The following CDCP1 variants were observed in gnomAD, a reference collection of about 807,000 sequenced individuals.
CDCP1 encodes CUB domain-containing protein 1.
A neutral mutation model predicts 60.2 loss-of-function variants in CDCP1; 29 were observed. The ratio of observed to expected loss-of-function variants is 0.48; its 90% CI spans 0.36 to 0.66. CDCP1 has a LOEUF of 0.66. Among genes scored for constraint, CDCP1 ranks in the 30% least tolerant of loss-of-function variants. CDCP1 has a pLI of 0.00. For synonymous variants in CDCP1, 387 were observed against 431.1 expected, an observed-to-expected ratio of 0.90 and a Z score of 1.27; for missense variants, 876 against 1,074.3, an observed-to-expected ratio of 0.82 and a Z score of 2.58.
chr3:45,122,545 T>C (rs1288217864), intron 1 of CDCP1, among the ~76,000 whole-genome samples: 1 of 151,844 alleles, frequency 6.6e-6, no homozygotes, highest in African/African-American at 2.4e-5. Flanking sequence ...ACCTCTGCCT[T>C]TGGGACTCAA....
chr3:45,087,153 G>A (rs1171299356), intron 8 of CDCP1, among the ~76,000 whole-genome samples: 1 of 152,188 alleles, frequency 6.6e-6, no homozygotes, highest in African/African-American at 2.4e-5. Flanking sequence ...AGAAGAGATT[G>A]TCTCACTCAT....
chr3:45,093,771 G>C (rs1472849590), intron 5 of CDCP1, 114 bp from the exon 6 acceptor site: 1 of 1,247,624 alleles, frequency 8.0e-7, no homozygotes, highest in Non-Finnish European at 1.1e-6. Flanking sequence ...GTTTCCCTTC[G>C]GTCTCTCTTC....
intron 4 of CDCP1, among the ~76,000 whole-genome samples, chr3:45,108,124 AAAAAAAAAAG>A (rs1576093528): frequency 7.1e-6 from 1 of 140,166 alleles, no homozygotes; most frequent in African/African-American, 2.6e-5. Context: ...GACTCTGCCT[AAAAAAAAAAG>A]AAAAAAAAAG....
chr3:45,107,468 A>G (rs993887390), intron 4 of CDCP1, among the ~76,000 whole-genome samples: 32 of 151,950 alleles, frequency 2.1e-4, no homozygotes, highest in African/African-American at 7.3e-4. Context: ...GGCCTCTGAA[A>G]GTGCTGGGAT....
intron 4 of CDCP1, among the ~76,000 whole-genome samples, chr3:45,105,424 G>A (rs1426781623): frequency 6.6e-6 from 1 of 152,156 alleles, no homozygotes; most frequent in Non-Finnish European, 1.5e-5. Context: ...AGCCAAAAAA[G>A]GAGCAATGTA....
chr3:45,109,224 C>T (rs1322895556), intron 4 of CDCP1, among the ~76,000 whole-genome samples: 4 of 151,944 alleles, frequency 2.6e-5, no homozygotes, highest in Admixed American at 1.3e-4. Flanking sequence ...GCTGGGATTA[C>T]AGGCATGAGC....
In CDCP1 at chr3:45,122,612, C is replaced by T. The variant is rs573798495; in HGVS notation, c.83-3991G>A. Among the ~76,000 whole-genome samples the T allele has an allele frequency of 6.0e-5, 9 of 150,010 alleles. No individual in the cohort carries two copies. In the South Asian group the frequency reaches 1.1e-3, roughly 18 times the overall value. Reference sequence around the variant, plus strand: ...TGGGACTACAGGTGTGCCACCACGCCTGGCTAATTTTTGTATTTTGTAGTA... The same window carrying T: ...TGGGACTACAGGTGTGCCACCACGCTTGGCTAATTTTTGTATTTTGTAGTA... On this transcript the variant is annotated intron_variant, in intron 1 of 8. Transcript: ENST00000296129.
intron 1 of CDCP1, among the ~76,000 whole-genome samples, chr3:45,126,108 C>CTCTTTCTTTCTTTCTTTCTTTCTT (rs72581928): frequency 2.3e-4 from 25 of 110,080 alleles, no homozygotes; most frequent in South Asian, 3.3e-4. Flanking sequence ...TTGTCTCTCT[C>CTCTTTCTTTCTTTCTTTCTTTCTT]TCTTTCTTTC....
At chr3:45,089,743 G>T (rs1219777113) in intron 7 of CDCP1, among the ~76,000 whole-genome samples, 2 of 152,204 alleles carry the variant, frequency 1.3e-5, no homozygotes, top group Admixed American at 1.3e-4. Context: ...GAAACAAACT[G>T]AGGGACCTAC....
At position 45,123,299 on chromosome 3, in the gene CDCP1, C is replaced by A. The variant is rs1012777943; in HGVS notation, c.83-4678G>T. 3.3e-5 allele frequency among the ~76,000 whole-genome samples: 5 copies of A among 152,286 alleles called. 1 individual carries two copies. The East Asian group carries it at 9.6e-4, about 29-fold the overall frequency. On this transcript the variant is annotated intron_variant, in intron 1 of 8. Transcript: ENST00000296129. ...TGATCAACCCAGCACGTTCTACTGT[C>A]CAGCTGTAGTTTGTAACTATTCTTT...
intron 1 of CDCP1, among the ~76,000 whole-genome samples, chr3:45,136,903 C>A (rs1014520041): frequency 2.6e-5 from 4 of 152,168 alleles, no homozygotes; most frequent in African/African-American, 9.7e-5. Flanking sequence ...ACAAAGGAAT[C>A]TGGAGGAACT....
At position 45,086,121 on chromosome 3, in the gene CDCP1, G is replaced by T. The variant is rs1246415532; in HGVS notation, c.2082-54C>A. Reference sequence around the variant, plus strand: ...GTCAGAAAGGCAAGAATCTTCGATGGGTACCATTGCTATGGCCCTGCTAGA... The same window carrying T: ...GTCAGAAAGGCAAGAATCTTCGATGTGTACCATTGCTATGGCCCTGCTAGA... On this transcript the variant is annotated intron_variant, in intron 8 of 8. Transcript: ENST00000296129. 10 of 1,488,882 alleles carry T rather than the reference G, an allele frequency of 6.7e-6. No homozygotes were observed. In the East Asian group the frequency reaches 2.3e-4, roughly 34 times the overall value. The allele number at this position is 1,488,882 out of a possible 1,614,324, so 92.2% of individuals were successfully genotyped here.
chr3:45,085,162 C>T lies in CDCP1; in HGVS notation c.*476G>A, dbSNP rs928957020. 1 of 155,136 alleles carries T rather than the reference C, an allele frequency of 6.4e-6. No individual in the cohort carries two copies. Among genetic ancestry groups the T allele is most frequent in the Non-Finnish European group, 1.4e-5 (1 of 69,976 alleles). 9.6% of individuals were successfully genotyped at this position (155,136 alleles called of 1,614,324 possible). Reference sequence around the variant, plus strand: ...AGGTGAAAAGAGCTAGGTGGTTATACATTTGATCTCTTAAATAACACAGGA... The same window carrying T: ...AGGTGAAAAGAGCTAGGTGGTTATATATTTGATCTCTTAAATAACACAGGA... On this transcript the variant is annotated 3_prime_UTR_variant, in exon 9 of 9. Transcript: ENST00000296129. The surrounding 1 kb of genome is among the most constrained non-coding windows in gnomAD (Gnocchi z 4.2).
At chr3:45,098,889 C>G (rs1698445609) in intron 4 of CDCP1, among the ~76,000 whole-genome samples, 1 of 152,068 alleles carries the variant, frequency 6.6e-6, no homozygotes, top group Admixed American at 6.6e-5. Flanking sequence ...TAATTTGATA[C>G]CCAAACTCTC....
intron 1 of CDCP1, among the ~76,000 whole-genome samples, chr3:45,140,914 G>T (rs952509920): frequency 2.0e-5 from 3 of 152,174 alleles, no homozygotes; most frequent in Non-Finnish European, 4.4e-5. Flanking sequence ...AGAATGTCAG[G>T]ATCTGGCTGG....
At chr3:45,099,704 G>C (rs1698458914) in intron 4 of CDCP1, among the ~76,000 whole-genome samples, 1 of 151,714 alleles carries the variant, frequency 6.6e-6, no homozygotes, top group East Asian at 1.9e-4. Context: ...TCCACTTTCT[G>C]GGAGATATCC....
At chr3:45,110,402 C>A in intron 4 of CDCP1, 71 bp downstream of exon 4, 1 of 1,563,494 alleles carries the variant, frequency 6.4e-7, no homozygotes, top group South Asian at 1.2e-5. Context: ...GGGAGCCTCA[C>A]CCAGGCAGAC....
At chr3:45,088,640 A>G (rs4683042) in intron 8 of CDCP1, among the ~76,000 whole-genome samples, 36,971 of 152,198 alleles carry the variant, frequency 0.24, 6,193 homozygotes, top group East Asian at 0.73. Flanking sequence ...AAGAAACTGC[A>G]GGAGAACAAG....
intron 1 of CDCP1, among the ~76,000 whole-genome samples, chr3:45,143,536 C>T (rs1699331060): frequency 6.6e-6 from 1 of 152,146 alleles, no homozygotes; most frequent in African/African-American, 2.4e-5. Flanking sequence ...TGCACATGAG[C>T]GTGCATACAT....
Sources: allele counts gnomAD v4.1 joint callset (sites outside exome capture counted in the v4.1 genomes callset), GRCh38; gene constraint gnomAD v4.1.1; non-coding constraint Gnocchi (gnomAD v3.1); transcripts MANE v1.5; gene names NCBI Gene and HGNC (gene_info 2026-07-23, HGNC 2026-07-21).